Variants in BCL11A observed in about 807,000 individuals in gnomAD.
BCL11A encodes BCL11 transcription factor A.
Under a neutral mutation model 55.9 loss-of-function variants are expected in BCL11A, and 2 were observed. That is an observed-to-expected ratio of 0.04 (90% CI 0.01 to 0.11). BCL11A has a LOEUF of 0.11. BCL11A is among the 10% of genes least tolerant of loss of function. BCL11A has a pLI of 1.00. For missense variants in BCL11A, 817 were observed against 1,137.1 expected, an observed-to-expected ratio of 0.72 and a Z score of 4.05; for synonymous variants, 465 against 473.4, an observed-to-expected ratio of 0.98 and a Z score of 0.23.
chr2:60,531,038 T>C (rs533926198), intron 2 of BCL11A, among the ~76,000 whole-genome samples: 1 of 152,310 alleles, frequency 6.6e-6, no homozygotes, highest in East Asian at 1.9e-4. Context: ...ACGCTCCCAA[T>C]GTACAATTTT....
Position 60,462,158 on chromosome 2 carries a change from A to G in BCL11A, c.754T>C (p.Ser252Pro). 1.3e-6 allele frequency: 2 copies of G among 1,570,238 alleles called. No individual in the cohort carries two copies. Among genetic ancestry groups the G allele is most frequent in the Non-Finnish European group, 1.7e-6 (2 of 1,159,010 alleles). Residue 252 changes from serine to proline, a missense_variant, in exon 4 of 4, where the codon TCC (serine) becomes CCC (proline). Physicochemically the swap from Ser to Pro is moderately conservative, Grantham distance 74. Coordinates refer to ENST00000642384, the MANE Select transcript of BCL11A (RefSeq NM_022893.4). ...GGAAAGCGCCCTTCTGCCAGGCCGGAAGCCTCTCTCGATACTGATCCTGGT... is the reference window on the plus strand; with the variant it reads ...GGAAAGCGCCCTTCTGCCAGGCCGGGAGCCTCTCTCGATACTGATCCTGGT... ...RIPGSVSREA[S>P]GLAEGRFPPT...
intron 2 of BCL11A, among the ~76,000 whole-genome samples, chr2:60,497,042 T>A (rs1484655395): frequency 4.6e-5 from 7 of 152,238 alleles, no homozygotes; most frequent in Non-Finnish European, 1.0e-4. Flanking sequence ...AAGCAAGATC[T>A]CTACTCCTCC....
chr2:60,473,505 A>C (rs535282751), intron 2 of BCL11A, among the ~76,000 whole-genome samples: 1 of 152,208 alleles, frequency 6.6e-6, no homozygotes, highest in East Asian at 1.9e-4. Flanking sequence ...TGCATCCTGA[A>C]CGTTTGTAAA....
chr2:60,527,027 G>C (rs1669233919), intron 2 of BCL11A: 1 of 152,206 alleles, frequency 6.6e-6, no homozygotes, highest in South Asian at 2.1e-4. Context: ...GGTCTCCCCG[G>C]TTATGGCTTT....
intron 2 of BCL11A, among the ~76,000 whole-genome samples, chr2:60,518,356 G>A (rs1668828255): frequency 1.3e-5 from 2 of 152,312 alleles, no homozygotes; most frequent in South Asian, 2.1e-4. Flanking sequence ...AGCCTGTCAT[G>A]AAGCAGACTC....
intron 2 of BCL11A, among the ~76,000 whole-genome samples, chr2:60,482,275 C>T (rs1007723119): frequency 6.6e-6 from 1 of 150,942 alleles, no homozygotes; most frequent in Non-Finnish European, 1.5e-5. Flanking sequence ...TTCCTGTTCA[C>T]GGAGCGGACA....
chr2:60,458,776 A>T lies in BCL11A; in HGVS notation c.*1628T>A. 1.9e-6 allele frequency: 2 copies of T among 1,030,498 alleles called. No individual in the cohort carries two copies. The highest frequency in any genetic ancestry group is 2.3e-6 in the Non-Finnish European group (2 of 856,180). 63.8% of individuals were successfully genotyped at this position (1,030,498 alleles called of 1,614,324 possible). Reference sequence around the variant, plus strand: ...TTTATACTCAACCTCTGTATCTCTGATTAGAGAAAAGATACAGATATCACA... The same window carrying T: ...TTTATACTCAACCTCTGTATCTCTGTTTAGAGAAAAGATACAGATATCACA... On this transcript the variant is annotated 3_prime_UTR_variant, in exon 4 of 4. Coordinates refer to ENST00000642384, the MANE Select transcript of BCL11A (RefSeq NM_022893.4).
rs1676090822 is a variant in BCL11A at position 60,459,080 on chromosome 2, A to G, written c.*1324T>C. ...CATCATTGTATCAATATTAGCTTAT[A>G]TACCTGTTCTAGTTTTAAATGGCAA... is the stretch of plus-strand genomic sequence containing the variant. On this transcript the variant is annotated 3_prime_UTR_variant, in exon 4 of 4. Coordinates refer to ENST00000642384, the MANE Select transcript of BCL11A (RefSeq NM_022893.4). 1 of 1,015,216 alleles carries G rather than the reference A, an allele frequency of 9.9e-7. No individual in the cohort carries two copies. Among genetic ancestry groups the G allele is most frequent in the East Asian group, 6.4e-5 (1 of 15,598 alleles). The allele number at this position is 1,015,216 out of a possible 1,614,324, so 62.9% of individuals were successfully genotyped here.
At chr2:60,518,783 A>T (rs776239661) in intron 2 of BCL11A, among the ~76,000 whole-genome samples, 1 of 152,182 alleles carries the variant, frequency 6.6e-6, no homozygotes, top group Non-Finnish European at 1.5e-5. Context: ...GTGGATTTTA[A>T]GGACTCATCA....
intron 3 of BCL11A, 22 bp downstream of exon 3, chr2:60,468,710 G>T: frequency 6.4e-7 from 1 of 1,558,574 alleles, no homozygotes; most frequent in Non-Finnish European, 8.8e-7. Flanking sequence ...GACATTTGTA[G>T]AAGAAATAAG....
At position 60,462,118 on chromosome 2, in the gene BCL11A, A is replaced by G. The variant is rs749764024; in HGVS notation, c.794T>C (p.Leu265Pro). 6.4e-7 allele frequency: 1 copy of G among 1,555,138 alleles called. No homozygotes were observed. The highest frequency in any genetic ancestry group is 1.4e-5 in the African/African-American group (1 of 72,530). ...AEGRFPPTPP[L>P]FSPPPRHHLD... ...GTGATGTCTCGGTGGTGGACTAAACAGGGGGGGAGTGGGTGGAAAGCGCCC... is the reference window on the plus strand; with the variant it reads ...GTGATGTCTCGGTGGTGGACTAAACGGGGGGGGAGTGGGTGGAAAGCGCCC... Residue 265 changes from leucine (L) to proline (P), a missense_variant, in exon 4 of 4, where the codon CTG (leucine) becomes CCG (proline). By Grantham distance (98) the Leu-to-Pro change is moderately conservative. Around this residue, in one of 4 missense-constraint regions of BCL11A, gnomAD observed 363 missense variants for 486.6 expected, o/e 0.75. Transcript: ENST00000642384.
intron 3 of BCL11A, among the ~76,000 whole-genome samples, chr2:60,465,529 A>C (rs1432429488): frequency 2.0e-5 from 3 of 152,210 alleles, no homozygotes; most frequent in Non-Finnish European, 4.4e-5. Context: ...TATGGGAAGG[A>C]ATGACCCCCA....
chr2:60,514,334 C>G (rs749906225), intron 2 of BCL11A, among the ~76,000 whole-genome samples: 37 of 152,026 alleles, frequency 2.4e-4, no homozygotes, highest in Non-Finnish European at 4.7e-4. Context: ...CTGGGCAGTC[C>G]CAAGACTTGG....
chr2:60,474,070 T>A (rs896187393), intron 2 of BCL11A, among the ~76,000 whole-genome samples: 4 of 152,200 alleles, frequency 2.6e-5, no homozygotes, highest in African/African-American at 9.7e-5. Flanking sequence ...CATCAATCAC[T>A]CATTTTAAAA....
At position 60,527,584 on chromosome 2, in the gene BCL11A, C is replaced by G. The variant is rs181380401; in HGVS notation, c.385+18387G>C. 4.5e-4 allele frequency: 69 copies of G among 152,454 alleles called. 1 individual carries two copies. The highest frequency in any genetic ancestry group is 1.6e-3 in the African/African-American group (66 of 41,574). The allele number at this position is 152,454 out of a possible 1,614,324, so 9.4% of individuals were successfully genotyped here. A position where few individuals can be genotyped will look rare whatever the true frequency, so the allele number is the denominator to read the frequency against. On this transcript the variant is annotated intron_variant, in intron 2 of 3. Transcript: ENST00000642384. ...ATCCCACCTCAAACTCAGAAGACAA[C>G]CTGGATGTGACCGACAACTTCTTTG...
chr2:60,460,152 CG>C lies in BCL11A; in HGVS notation c.*251del. 1 of 1,207,988 alleles carries C rather than the reference CG, an allele frequency of 8.3e-7. No homozygotes were observed. 74.8% of individuals were successfully genotyped at this position (1,207,988 alleles called of 1,614,324 possible). On this transcript the variant is annotated 3_prime_UTR_variant, in exon 4 of 4. Transcript: ENST00000642384. Reference sequence around the variant, plus strand: ...GCCCCATACAGATCATGCATTCAAACGGTGAGAACATAAAGGAAAAAAAAAA... The same window carrying C: ...GCCCCATACAGATCATGCATTCAAACGTGAGAACATAAAGGAAAAAAAAAA...
intron 2 of BCL11A, among the ~76,000 whole-genome samples, chr2:60,510,942 A>G (rs908010628): frequency 6.6e-6 from 1 of 152,194 alleles, no homozygotes; most frequent in African/African-American, 2.4e-5. Context: ...GTTAAAACCA[A>G]ACGAAAGTCT....
At chr2:60,467,981 A>ATGG (rs1558620753) in intron 3 of BCL11A, among the ~76,000 whole-genome samples, 20 of 88,372 alleles carry the variant, frequency 2.3e-4, no homozygotes, top group Non-Finnish European at 4.2e-4. Context: ...GGTGGTAGTG[A>ATGG]TGGTGGTGGT....
chr2:60,454,044 AAGAGAG>A (rs137895462), downstream of BCL11A, among the ~76,000 whole-genome samples: 6 of 150,576 alleles, frequency 4.0e-5, no homozygotes, highest in Admixed American at 3.3e-4. Flanking sequence ...GAGAGAGAGA[AAGAGAG>A]AGAGAGAGAG....
Sources: gnomAD v4.1 joint callset for allele counts (sites outside exome capture counted in the v4.1 genomes callset) on GRCh38, gnomAD v4.1.1 for gene constraint, gnomAD v4.1.1 regional missense constraint, MANE v1.5 for transcripts, NCBI Gene and HGNC (gene_info 2026-07-23, HGNC 2026-07-21) for gene names.